The following WDR19 variants were observed in gnomAD, a reference collection of about 807,000 sequenced individuals.
WDR19 encodes the protein WD repeat-containing protein 19.
WDR19 carries 121 observed loss-of-function variants against 180.0 expected under a neutral mutation model. The ratio of observed to expected loss-of-function variants is 0.67; its 90% CI spans 0.58 to 0.78. The LOEUF is 0.78. Among genes scored for constraint, WDR19 ranks in the 30% least tolerant of loss-of-function variants. The probability of loss-of-function intolerance (pLI) is 0.00; values close to 1 mark genes in which losing one functional copy is unlikely to be tolerated. For missense variants in WDR19, 1,450 were observed against 1,640.7 expected (o/e 0.88, Z 2.01); for synonymous variants, 497 against 540.7 (o/e 0.92, Z 1.12).
intron 9 of WDR19, among the ~76,000 whole-genome samples, chr4:39,207,320 A>G (rs1210353462): frequency 2.0e-5 from 3 of 152,206 alleles, no homozygotes; most frequent in Non-Finnish European, 2.9e-5. Flanking sequence ...CCAGAGACCT[A>G]TTAGACAGTA....
chr4:39,231,530 TAAATG>T (rs1057236668), intron 17 of WDR19, among the ~76,000 whole-genome samples: 6 of 152,164 alleles, frequency 3.9e-5, no homozygotes, highest in Admixed American at 3.3e-4. Context: ...TAAAAAGAAA[TAAATG>T]AATAGGATTA....
At chr4:39,214,504 C>T in intron 9 of WDR19, 97 bp from the exon 10 acceptor site, 1 of 678,042 alleles carries the variant, frequency 1.5e-6, no homozygotes, top group South Asian at 1.9e-5. Flanking sequence ...ATTTTGGAGA[C>T]CAGTAACCTA....
At chr4:39,237,400 G>GA (rs1035476550) in intron 20 of WDR19, among the ~76,000 whole-genome samples, 10 of 146,598 alleles carry the variant, frequency 6.8e-5, no homozygotes, top group East Asian at 4.0e-4. Flanking sequence ...TCTCTACAAA[G>GA]AAAAAAAAAA....
chr4:39,188,394 C>G (rs997329109), intron 3 of WDR19, among the ~76,000 whole-genome samples: 14 of 151,958 alleles, frequency 9.2e-5, no homozygotes, highest in Non-Finnish European at 1.0e-4. Context: ...AATCAAATTA[C>G]TCTCGTTATT....
chr4:39,227,935 A>AC (rs1226719490), intron 15 of WDR19, among the ~76,000 whole-genome samples: 1 of 152,006 alleles, frequency 6.6e-6, no homozygotes, highest in Admixed American at 6.6e-5. Flanking sequence ...TTTTTCCTTA[A>AC]CCTGAAGCTT....
At chr4:39,272,496 G>A (rs1334719510) in intron 31 of WDR19, among the ~76,000 whole-genome samples, 2 of 152,088 alleles carry the variant, frequency 1.3e-5, no homozygotes, top group African/African-American at 2.4e-5. Flanking sequence ...GCTGACTCTC[G>A]AGGCTCACCC....
chr4:39,251,942 C>T (rs535714629), intron 24 of WDR19, among the ~76,000 whole-genome samples: 3 of 152,108 alleles, frequency 2.0e-5, no homozygotes, highest in African/African-American at 4.8e-5. Flanking sequence ...TTGTGGAAGT[C>T]GGTGTGGTGA....
Position 39,216,140 on chromosome 4 carries a change from G to A in WDR19, c.1179G>A (p.Val393=), listed in dbSNP as rs1729047000. 1.3e-6 allele frequency: 2 copies of A among 1,594,672 alleles called. No homozygotes were observed. The highest frequency in any genetic ancestry group is 1.7e-6 in the Non-Finnish European group (2 of 1,170,138). ...TVSVDVEPNF[V]AVGLYHLAVG... is the part of the protein sequence containing the mutation. ...CTGTTGATGTGGAACCCAACTTTGTGGCAGTAGGTCTTTATCATCTGGCTG... is the reference window on the plus strand; with the variant it reads ...CTGTTGATGTGGAACCCAACTTTGTAGCAGTAGGTCTTTATCATCTGGCTG... The change falls in exon 12 of 37, where the codon GTG becomes GTA. Residue 393 remains valine (V), a synonymous_variant. Coordinates refer to ENST00000399820, the MANE Select transcript of WDR19 (RefSeq NM_025132.4).
chr4:39,204,118 T>C (rs1301829311), intron 7 of WDR19, among the ~76,000 whole-genome samples: 4 of 151,878 alleles, frequency 2.6e-5, no homozygotes, highest in African/African-American at 9.7e-5. Context: ...AGAGTTTTGC[T>C]CTTTTTATCC....
chr4:39,202,772 T>A (rs145129266), intron 6 of WDR19, among the ~76,000 whole-genome samples: 32 of 152,234 alleles, frequency 2.1e-4, no homozygotes, highest in African/African-American at 7.2e-4. Context: ...TTTTAAAATA[T>A]TTATTTTATA....
At chr4:39,190,753 G>A (rs1446299113) in intron 4 of WDR19, among the ~76,000 whole-genome samples, 1 of 152,220 alleles carries the variant, frequency 6.6e-6, no homozygotes, top group East Asian at 1.9e-4. Context: ...AGAAGATACT[G>A]TCTACCAATG....
At chr4:39,200,506 C>G (rs1727257909) in intron 6 of WDR19, among the ~76,000 whole-genome samples, 1 of 152,144 alleles carries the variant, frequency 6.6e-6, no homozygotes, top group Non-Finnish European at 1.5e-5. Flanking sequence ...TGACAGGGTT[C>G]AGTTCCTTAC....
At chr4:39,281,236 T>TATATATATATAGAGAGAGAGAGAGAG (rs762298152) in intron 36 of WDR19, among the ~76,000 whole-genome samples, 3 of 104,034 alleles carry the variant, frequency 2.9e-5, no homozygotes, top group African/African-American at 1.6e-4. Context: ...TATATATATA[T>TATATATATATAGAGAGAGAGAGAGAG]AGAGAGAGAG....
At chr4:39,256,254 G>A (rs1184848880) in intron 27 of WDR19, among the ~76,000 whole-genome samples, 1 of 152,160 alleles carries the variant, frequency 6.6e-6, no homozygotes, top group Non-Finnish European at 1.5e-5. Context: ...CCTGTTTTTA[G>A]TTTGTCCGCC....
At chr4:39,254,432 G>C (rs1222647738) in intron 26 of WDR19, among the ~76,000 whole-genome samples, 1 of 152,076 alleles carries the variant, frequency 6.6e-6, no homozygotes, top group Non-Finnish European at 1.5e-5. Flanking sequence ...TGCTTACTTT[G>C]GTGAACAGTG....
intron 26 of WDR19, 25 bp from the exon 27 acceptor site, chr4:39,255,823 T>C: frequency 7.1e-7 from 1 of 1,416,718 alleles, no homozygotes; most frequent in Non-Finnish European, 9.5e-7. Context: ...GCTCAGATAT[T>C]TTACTCAGTA....
chr4:39,239,103 G>A (rs189753583), intron 20 of WDR19, among the ~76,000 whole-genome samples: 145 of 152,000 alleles, frequency 9.5e-4, no homozygotes, highest in African/African-American at 3.3e-3. Context: ...TTAGCCTCCC[G>A]AGTAGCTGGG....
At position 39,277,097 on chromosome 4, in the gene WDR19, T is replaced by C; in HGVS notation, c.3794T>C (p.Leu1265Pro). 1 of 1,613,854 alleles carries C rather than the reference T, an allele frequency of 6.2e-7. No individual in the cohort carries two copies. The highest frequency in any genetic ancestry group is 8.5e-7 in the Non-Finnish European group (1 of 1,179,824). ...FCKFLLPECE[L>P]LCPGCKNSIP... ...AAATTTCTTCTCCCAGAGTGTGAAC[T>C]CCTCTGTCCTGGATGTAAAAACAGT... Residue 1265 changes from leucine to proline, a missense_variant, in exon 34 of 37, where the codon CTC (leucine) becomes CCC (proline). By Grantham distance (98) the Leu-to-Pro change is moderately conservative (BLOSUM62 -3). Transcript: ENST00000399820.
At chr4:39,259,926 C>T (rs1268125329) in intron 28 of WDR19, among the ~76,000 whole-genome samples, 1 of 152,170 alleles carries the variant, frequency 6.6e-6, no homozygotes, top group Non-Finnish European at 1.5e-5. Flanking sequence ...TTCTTCAACT[C>T]TTGCATAAAT....
Sources: gnomAD v4.1 joint callset for allele counts (sites outside exome capture counted in the v4.1 genomes callset) on GRCh38, gnomAD v4.1.1 for gene constraint, MANE v1.5 for transcripts, NCBI Gene and HGNC (gene_info 2026-07-23, HGNC 2026-07-21) for gene names.